Variants in NKAIN2 observed in about 807,000 individuals in gnomAD.
NKAIN2 encodes the protein sodium/potassium transporting ATPase interacting 2.
A neutral mutation model predicts 32.6 loss-of-function variants in NKAIN2; 14 were observed. The ratio of observed to expected loss-of-function variants is 0.43; its 90% confidence interval spans 0.28 to 0.67. The LOEUF (loss-of-function observed/expected upper bound fraction) is 0.67, where lower values mean the gene tolerates loss of function less well. NKAIN2 is among the 30% of genes least tolerant of loss of function. NKAIN2 has a pLI of 0.17. For missense variants in NKAIN2, 198 were observed against 258.3 expected (o/e 0.77, Z 1.60); for synonymous variants, 80 against 87.2 (o/e 0.92, Z 0.46).
At chr6:124,252,624 A>G (rs1028373717) in intron 1 of NKAIN2, among the ~76,000 whole-genome samples, 19 of 152,168 alleles carry the variant, frequency 1.2e-4, no homozygotes, top group Non-Finnish European at 2.4e-4. Flanking sequence ...ATATAAAGAC[A>G]AACCTAGGTG....
rs1412484787 is a variant in NKAIN2 at position 124,166,279 on chromosome 6, A to G, written c.55-116726A>G. Among the ~76,000 whole-genome samples the G allele has an allele frequency of 5.7e-3, 864 of 150,708 alleles. 10 individuals carry two copies. The highest frequency in any genetic ancestry group is 0.018 in the African/African-American group (731 of 41,028). ...TCTCTGATGGCCAGTGATGGTGAGC[A>G]TTTTTTCATGTGTTTTTTGGCTGCA... On this transcript the variant is annotated intron_variant, in intron 1 of 6. Transcript: ENST00000368417.
chr6:123,861,986 A>G (rs1437557638), intron 1 of NKAIN2, among the ~76,000 whole-genome samples: 3 of 152,214 alleles, frequency 2.0e-5, no homozygotes, highest in Non-Finnish European at 2.9e-5. Flanking sequence ...ATATCTGGGA[A>G]CAAACAGGAT....
rs1260740571 is a variant in NKAIN2, at chr6:124,028,702, C to CACGTGTATATATACGTGTATAT, written c.54+224458_54+224479dup. ...AAAAGTTTGTTTATATACATGTATACACGTGTATATATACGTGTATATACG... is the reference window on the plus strand; with the variant it reads ...AAAAGTTTGTTTATATACATGTATACACGTGTATATATACGTGTATATACGTGTATATATACGTGTATATACG... On this transcript the variant is annotated intron_variant, in intron 1 of 6. Coordinates refer to ENST00000368417, the MANE Select transcript of NKAIN2 (RefSeq NM_001040214.3). Among the ~76,000 whole-genome samples, 26 of 149,028 alleles carry CACGTGTATATATACGTGTATAT rather than the reference C, an allele frequency of 1.7e-4. No homozygotes were observed. In the East Asian group the frequency reaches 3.0e-3, roughly 17 times the overall value.
intron 3 of NKAIN2, among the ~76,000 whole-genome samples, chr6:124,405,422 T>G (rs1361395305): frequency 6.6e-6 from 1 of 152,142 alleles, no homozygotes; most frequent in Admixed American, 6.5e-5. Flanking sequence ...TATCTAGAAA[T>G]GTAGGATGGG....
chr6:124,245,428 G>A (rs1019870593), intron 1 of NKAIN2, among the ~76,000 whole-genome samples: 1 of 151,976 alleles, frequency 6.6e-6, no homozygotes. Context: ...CCACAGGAGT[G>A]TTATATATAT....
chr6:124,747,953 AT>A (rs1204842609), intron 4 of NKAIN2, among the ~76,000 whole-genome samples: 1 of 151,512 alleles, frequency 6.6e-6, no homozygotes, highest in Admixed American at 6.6e-5. Flanking sequence ...TTCACAAACA[AT>A]TTTTTTTGCC....
chr6:124,472,697 AGAAAG>A (rs1165692299), intron 3 of NKAIN2, among the ~76,000 whole-genome samples: 6 of 135,484 alleles, frequency 4.4e-5, no homozygotes, highest in Non-Finnish European at 9.4e-5. Context: ...AGAAAGGAGA[AGAAAG>A]GAGAGAGTAG....
At chr6:123,832,884 A>G (rs1267193966) in intron 1 of NKAIN2, among the ~76,000 whole-genome samples, 1 of 152,178 alleles carries the variant, frequency 6.6e-6, no homozygotes, top group Admixed American at 6.5e-5. Context: ...GTCTTTTATC[A>G]AATGTCTTTT....
chr6:124,542,240 A>G (rs1436759223), intron 3 of NKAIN2, among the ~76,000 whole-genome samples: 1 of 152,132 alleles, frequency 6.6e-6, no homozygotes, highest in Non-Finnish European at 1.5e-5. Flanking sequence ...GCTAAATAAA[A>G]CTGGAATTTA....
intron 3 of NKAIN2, among the ~76,000 whole-genome samples, chr6:124,451,472 G>T (rs1776104705): frequency 6.6e-6 from 1 of 152,144 alleles, no homozygotes; most frequent in Non-Finnish European, 1.5e-5. Context: ...TTTCAAAGGA[G>T]TGGGAAGACC....
chr6:124,268,520 T>A (rs1199510688), intron 1 of NKAIN2, among the ~76,000 whole-genome samples: 2 of 152,114 alleles, frequency 1.3e-5, no homozygotes, highest in Non-Finnish European at 2.9e-5. Context: ...TGCTGAGCAC[T>A]ATGTGAAGTA....
chr6:124,279,800 C>T (rs1452418112), intron 1 of NKAIN2, among the ~76,000 whole-genome samples: 1 of 151,920 alleles, frequency 6.6e-6, no homozygotes, highest in African/African-American at 2.4e-5. Flanking sequence ...TCAATCTAAT[C>T]CATCACATTC....
At chr6:124,038,058 T>A (rs115021554) in intron 1 of NKAIN2, among the ~76,000 whole-genome samples, 1,712 of 152,230 alleles carry the variant, frequency 0.011, 29 homozygotes, top group African/African-American at 0.039. Context: ...GGCTGAGCCT[T>A]GGGCTAGTGT....
intron 3 of NKAIN2, among the ~76,000 whole-genome samples, chr6:124,627,211 A>AGT (rs1783387761): frequency 6.6e-6 from 1 of 152,156 alleles, no homozygotes; most frequent in Non-Finnish European, 1.5e-5. Context: ...CGGAGGTTGC[A>AGT]GTGAACCAAG....
chr6:124,194,657 T>G (rs1790222450), intron 1 of NKAIN2, among the ~76,000 whole-genome samples: 1 of 152,172 alleles, frequency 6.6e-6, no homozygotes, highest in Non-Finnish European at 1.5e-5. Context: ...GCTTAGGTAT[T>G]TATTGAGATT....
intron 3 of NKAIN2, among the ~76,000 whole-genome samples, chr6:124,617,587 A>G (rs1306470640): frequency 6.6e-6 from 1 of 152,158 alleles, no homozygotes; most frequent in African/African-American, 2.4e-5. Context: ...GGTATTTCCT[A>G]GGCATACATT....
chr6:124,818,753 C>T (rs770657973), intron 6 of NKAIN2, among the ~76,000 whole-genome samples: 3 of 151,818 alleles, frequency 2.0e-5, no homozygotes, highest in Non-Finnish European at 4.4e-5. Context: ...CTTTGAGTTG[C>T]CAAAAAGTTG....
At chr6:124,405,708 G>A (rs1262469847) in intron 3 of NKAIN2, among the ~76,000 whole-genome samples, 1 of 151,752 alleles carries the variant, frequency 6.6e-6, no homozygotes, top group African/African-American at 2.4e-5. Flanking sequence ...TAAAATATTA[G>A]GAAACCCAAG....
chr6:124,384,984 C>A lies in NKAIN2; in HGVS notation c.273+29637C>A, dbSNP rs1772828419. The stretch of plus-strand genomic sequence containing the variant: ...TTTTAACTTGCTTTCTAACTATAAG[C>A]CATTGATGTTACTGAATGGCCATGA... On this transcript the variant is annotated intron_variant, in intron 3 of 6. Coordinates refer to ENST00000368417, the MANE Select transcript of NKAIN2 (RefSeq NM_001040214.3). Among the ~76,000 whole-genome samples, 6 of 152,120 alleles carry A rather than the reference C, an allele frequency of 3.9e-5. No individual in the cohort carries two copies. The South Asian group carries it at 1.2e-3, about 32-fold the overall frequency.
Sources: gnomAD v4.1 joint callset for allele counts (sites outside exome capture counted in the v4.1 genomes callset) on GRCh38, gnomAD v4.1.1 for gene constraint, MANE v1.5 for transcripts, NCBI Gene and HGNC (gene_info 2026-07-23, HGNC 2026-07-21) for gene names.